CDH22: variants seen among roughly 807,000 people sequenced by gnomAD.
CDH22 encodes cadherin 22.
In CDH22, 30 loss-of-function variants were observed where a neutral mutation model predicts 58.4. The ratio of observed to expected loss-of-function variants is 0.51; its 90% CI spans 0.38 to 0.70. The LOEUF is 0.70. Among genes scored for constraint, CDH22 ranks in the 30% least tolerant of loss-of-function variants. The pLI is 0.00. For missense variants in CDH22, 1,014 were observed against 1,233.9 expected, an observed-to-expected ratio of 0.82 and a Z score of 2.67; for synonymous variants, 513 against 558.2, an observed-to-expected ratio of 0.92 and a Z score of 1.14.
rs1053568138 is a variant in CDH22, at chr20:46,224,083, C to T, written c.670+3425G>A. Among the ~76,000 whole-genome samples, 3 of 152,142 alleles carry T rather than the reference C, an allele frequency of 2.0e-5. No individual in the cohort carries two copies. The South Asian group carries it at 6.2e-4, about 32-fold the overall frequency. ...GGCCAGGCTGGTGTCAAACTCCTGG[C>T]CTCAAGTGATCCACCCGCTTCGGCC... On this transcript the variant is annotated intron_variant, in intron 4 of 11. Coordinates refer to ENST00000537909, the MANE Select transcript of CDH22 (RefSeq NM_021248.3).
intron 2 of CDH22, among the ~76,000 whole-genome samples, chr20:46,243,687 G>C (rs2086308795): frequency 6.6e-6 from 1 of 152,208 alleles, no homozygotes; most frequent in African/African-American, 2.4e-5. Context: ...GATGGGATGA[G>C]AGGGGGTGAT....
intron 1 of CDH22, among the ~76,000 whole-genome samples, chr20:46,293,103 G>A (rs2086612113): frequency 6.6e-6 from 1 of 152,162 alleles, no homozygotes. Flanking sequence ...TGGGGGAGGA[G>A]ACTGCCAAGA....
intron 2 of CDH22, 42 bp downstream of exon 2, chr20:46,250,998 C>T (rs2086367884): frequency 7.8e-7 from 1 of 1,288,550 alleles, no homozygotes. Flanking sequence ...TGGGTGTCCC[C>T]AGGGTCCTGG....
At chr20:46,200,518 G>A (rs2085952160) in intron 7 of CDH22, among the ~76,000 whole-genome samples, 1 of 150,662 alleles carries the variant, frequency 6.6e-6, no homozygotes, top group South Asian at 2.1e-4. Context: ...CTGAGCTCAA[G>A]CGATCCGCTC....
intron 7 of CDH22, among the ~76,000 whole-genome samples, chr20:46,202,521 T>G (rs931838956): frequency 1.3e-5 from 2 of 151,874 alleles, no homozygotes; most frequent in Non-Finnish European, 2.9e-5. Context: ...GCCCGGCTAA[T>G]TTTTTGTATT....
chr20:46,284,413 AT>A (rs1882866020), intron 1 of CDH22, among the ~76,000 whole-genome samples: 1 of 152,208 alleles, frequency 6.6e-6, no homozygotes, highest in Non-Finnish European at 1.5e-5. Context: ...ACTGCAGAAA[AT>A]TCAGACCTCA....
chr20:46,230,895 A>C (rs978008129), intron 3 of CDH22, among the ~76,000 whole-genome samples: 1 of 152,214 alleles, frequency 6.6e-6, no homozygotes, highest in South Asian at 2.1e-4. Flanking sequence ...GGAGAGAGGC[A>C]GGTTTCAAAC....
chr20:46,247,651 G>A (rs961203375), intron 2 of CDH22, among the ~76,000 whole-genome samples: 15 of 152,094 alleles, frequency 9.9e-5, no homozygotes, highest in African/African-American at 3.4e-4. Context: ...ATCCCCCATC[G>A]AGAGATACTG....
intron 4 of CDH22, among the ~76,000 whole-genome samples, chr20:46,223,748 C>A (rs61282775): frequency 9.6e-5 from 7 of 73,160 alleles, no homozygotes; most frequent in African/African-American, 3.7e-4. Context: ...TTTCTCTTTC[C>A]TCTTTCTTTT....
chr20:46,190,482 A>G (rs1019769927), intron 8 of CDH22, among the ~76,000 whole-genome samples: 4 of 152,164 alleles, frequency 2.6e-5, no homozygotes, highest in Non-Finnish European at 5.9e-5. Flanking sequence ...ATCTCACCCA[A>G]TGGCCGGCTG....
chr20:46,247,639 CAA>C (rs1308861471), intron 2 of CDH22, among the ~76,000 whole-genome samples: 3 of 152,094 alleles, frequency 2.0e-5, no homozygotes, highest in Non-Finnish European at 4.4e-5. Flanking sequence ...GTCCTGGAAC[CAA>C]TCCCCCATCG....
intron 3 of CDH22, among the ~76,000 whole-genome samples, chr20:46,232,113 T>A (rs555963945): frequency 1.3e-5 from 2 of 152,312 alleles, no homozygotes; most frequent in East Asian, 3.9e-4. Context: ...ACTTGGTTTG[T>A]TGTGGAACAA....
intron 2 of CDH22, among the ~76,000 whole-genome samples, chr20:46,244,065 G>A (rs1049708900): frequency 6.6e-6 from 1 of 152,208 alleles, no homozygotes; most frequent in South Asian, 2.1e-4. Context: ...GGTGTGGGGA[G>A]GATTAGATGA....
chr20:46,199,898 C>CT (rs1032511521), intron 7 of CDH22, among the ~76,000 whole-genome samples: 1 of 152,002 alleles, frequency 6.6e-6, no homozygotes, highest in African/African-American at 2.4e-5. Context: ...TCTTTCTTTT[C>CT]TTTTCTTTTC....
intron 2 of CDH22, among the ~76,000 whole-genome samples, chr20:46,249,594 T>C (rs1215283450): frequency 6.6e-6 from 1 of 152,174 alleles, no homozygotes; most frequent in East Asian, 1.9e-4. Context: ...AGGATCCTGA[T>C]CTCTGAGCCT....
At chr20:46,237,748 C>A (rs1318146661) in intron 3 of CDH22, among the ~76,000 whole-genome samples, 4 of 152,132 alleles carry the variant, frequency 2.6e-5, no homozygotes, top group Non-Finnish European at 5.9e-5. Flanking sequence ...AAACTGGGGG[C>A]TGCCTCTGCC....
chr20:46,183,078 C>G lies in CDH22; in HGVS notation c.1663+3510G>C, dbSNP rs560250403. 3.0e-4 allele frequency among the ~76,000 whole-genome samples: 46 copies of G among 152,258 alleles called. 1 individual carries two copies. The South Asian group carries it at 8.9e-3, about 29-fold the overall frequency. On this transcript the variant is annotated intron_variant, in intron 10 of 11. Coordinates refer to ENST00000537909, the MANE Select transcript of CDH22 (RefSeq NM_021248.3). ...ATCTCGGGCCCCTTGGGTTGGAAAG[C>G]CTGGTGAACTTGGCAGAGTTGAGCC...
chr20:46,257,500 C>G (rs528293455), intron 1 of CDH22, among the ~76,000 whole-genome samples: 1 of 152,242 alleles, frequency 6.6e-6, no homozygotes, highest in African/African-American at 2.4e-5. Context: ...CAAGGGAAGA[C>G]AGCAACTGAG....
intron 1 of CDH22, among the ~76,000 whole-genome samples, chr20:46,307,465 T>C (rs2059028895): frequency 6.6e-6 from 1 of 152,152 alleles, no homozygotes; most frequent in Non-Finnish European, 1.5e-5. Flanking sequence ...GCGCTCTCTT[T>C]GGACGTTAGG....
Sources: allele counts gnomAD v4.1 joint callset (sites outside exome capture counted in the v4.1 genomes callset), GRCh38; gene constraint gnomAD v4.1.1; transcripts MANE v1.5; gene names NCBI Gene and HGNC (gene_info 2026-07-23, HGNC 2026-07-21).